Variants in HDAC9 observed in about 807,000 individuals in gnomAD.
HDAC9 encodes histone deacetylase 9, also known as MEF-2 interacting transcription repressor (MITR) protein.
In HDAC9, 41 loss-of-function variants were observed where a neutral mutation model predicts 139.4. The observed-to-expected ratio is 0.29, with a 90% CI of 0.23 to 0.38. The LOEUF is 0.38. Among genes scored for constraint, HDAC9 ranks in the 10% least tolerant of loss-of-function variants. The probability of loss-of-function intolerance (pLI) is 1.00; values close to 1 mark genes in which losing one functional copy is unlikely to be tolerated. For missense variants in HDAC9, 1,147 were observed against 1,297.0 expected, an observed-to-expected ratio of 0.88 and a Z score of 1.78; for synonymous variants, 517 against 476.2, an observed-to-expected ratio of 1.09 and a Z score of -1.12.
At chr7:18,131,106 C>A (rs1784971390) in intron 1 of HDAC9, among the ~76,000 whole-genome samples, 1 of 152,020 alleles carries the variant, frequency 6.6e-6, no homozygotes, top group African/African-American at 2.4e-5. Flanking sequence ...AGATTTTGTA[C>A]TATAATAGAC....
intron 8 of HDAC9, among the ~76,000 whole-genome samples, chr7:18,639,911 T>C (rs2519890): frequency 0.85 from 129,743 of 151,902 alleles, 55,473 homozygotes; most frequent in South Asian, 0.9. Context: ...GGTTACAAGC[T>C]ATGAGTGGGA....
At chr7:18,604,059 A>T (rs1331471492) in intron 6 of HDAC9, among the ~76,000 whole-genome samples, 2 of 151,658 alleles carry the variant, frequency 1.3e-5, no homozygotes, top group East Asian at 3.9e-4. Flanking sequence ...TTTATCTTTT[A>T]TCTTCTGCAA....
At chr7:18,987,679 T>G (rs1348161564) in intron 25 of HDAC9, among the ~76,000 whole-genome samples, 1 of 152,122 alleles carries the variant, frequency 6.6e-6, no homozygotes, top group Admixed American at 6.5e-5. Flanking sequence ...AGAATTCGGC[T>G]GTGAATCCAT....
At chr7:18,392,919 CAAAAAAAAAAAAA>C (rs773532939) in intron 1 of HDAC9, among the ~76,000 whole-genome samples, 12 of 44,556 alleles carry the variant, frequency 2.7e-4, no homozygotes, top group Non-Finnish European at 3.7e-4. Context: ...CCATGACTGG[CAAAAAAAAAAAAA>C]AAAAAAAAAA....
chr7:18,758,342 C>T (rs1268046399), intron 14 of HDAC9, among the ~76,000 whole-genome samples: 1 of 152,102 alleles, frequency 6.6e-6, no homozygotes, highest in Non-Finnish European at 1.5e-5. Flanking sequence ...GAAATCAGTA[C>T]TCCCTAAATT....
chr7:18,137,362 A>C (rs933744484), intron 1 of HDAC9, among the ~76,000 whole-genome samples: 2 of 150,424 alleles, frequency 1.3e-5, no homozygotes, highest in Admixed American at 6.6e-5. Flanking sequence ...GTGGTGAGAG[A>C]GGGCATCCCT....
Position 18,935,915 on chromosome 7 carries a change from C to T in HDAC9, c.2910C>T (p.Ala970=), listed in dbSNP as rs1453760173. The T allele has an allele frequency of 6.2e-7, 1 of 1,613,468 alleles. No individual in the cohort carries two copies. Among genetic ancestry groups the T allele is most frequent in the Admixed American group, 1.7e-5 (1 of 59,980 alleles). Residue 970 remains alanine, a synonymous_variant, in exon 23 of 26, where the codon GCC becomes GCT. Transcript: ENST00000686413. ...CAGCCATCTGTGATGCATCAGAAGCCTGTGTAAATGCCCTTCTAGGAAATG... is the reference window on the plus strand; with the variant it reads ...CAGCCATCTGTGATGCATCAGAAGCTTGTGTAAATGCCCTTCTAGGAAATG... ...DLTAICDASE[A]CVNALLGNEL...
intron 1 of HDAC9, among the ~76,000 whole-genome samples, chr7:18,323,308 C>G (rs1428936202): frequency 2.6e-5 from 4 of 152,184 alleles, no homozygotes; most frequent in Non-Finnish European, 5.9e-5. Flanking sequence ...GTCCAAAGCT[C>G]TATTCTCTCT....
chr7:18,212,704 T>C (rs1792030329), intron 2 of HDAC9, among the ~76,000 whole-genome samples: 1 of 152,200 alleles, frequency 6.6e-6, no homozygotes, highest in African/African-American at 2.4e-5. Flanking sequence ...CTTGAGATAC[T>C]AAAATGGCCA....
intron 6 of HDAC9, among the ~76,000 whole-genome samples, chr7:18,621,885 G>A (rs1420837625): frequency 6.6e-6 from 1 of 152,176 alleles, no homozygotes; most frequent in Non-Finnish European, 1.5e-5. Flanking sequence ...AGGATCTACT[G>A]TGTTCCCAAA....
intron 6 of HDAC9, among the ~76,000 whole-genome samples, chr7:18,611,649 C>A: frequency 6.6e-6 from 1 of 152,074 alleles, no homozygotes; most frequent in South Asian, 2.1e-4. Context: ...TCTTTGAACA[C>A]GAATAAGTGA....
chr7:18,348,665 C>A (rs527970087), intron 1 of HDAC9, among the ~76,000 whole-genome samples: 3 of 152,214 alleles, frequency 2.0e-5, no homozygotes, highest in Admixed American at 1.3e-4. Context: ...GTAAAGAATC[C>A]TTTAACAACT....
At chr7:18,458,705 C>T (rs768316472) in intron 1 of HDAC9, 6 of 540,826 alleles carry the variant, frequency 1.1e-5, no homozygotes, top group Admixed American at 6.3e-5. Context: ...GGCAAAACTT[C>T]GATTAATAAA....
In HDAC9 at chr7:18,816,768, C is replaced by T. The variant is rs183908379; in HGVS notation, c.2323-12393C>T. Among the ~76,000 whole-genome samples, 130 of 152,330 alleles carry T rather than the reference C, an allele frequency of 8.5e-4. 1 individual carries two copies. Among genetic ancestry groups the T allele is most frequent in the African/African-American group, 3.1e-3 (130 of 41,576 alleles). ...TCAACAATTTTTAACGTACCAGTGA[C>T]TTCAACAAAGACACTGTGTTTAATT... On this transcript the variant is annotated intron_variant, in intron 17 of 25. Coordinates refer to ENST00000686413, the MANE Select transcript of HDAC9 (RefSeq NM_178425.4).
At chr7:18,089,010 A>AT (rs1781974779) in intron 1 of HDAC9, among the ~76,000 whole-genome samples, 1 of 152,196 alleles carries the variant, frequency 6.6e-6, no homozygotes, top group Non-Finnish European at 1.5e-5. Context: ...TGTTTTAGCT[A>AT]TTAAACAGAT....
chr7:18,497,121 G>T (rs1189394166), intron 2 of HDAC9, among the ~76,000 whole-genome samples: 2 of 152,144 alleles, frequency 1.3e-5, no homozygotes, highest in African/African-American at 4.8e-5. Flanking sequence ...TCTCCAGGCA[G>T]TATCACTTAA....
At chr7:18,604,429 C>T (rs569214409) in intron 6 of HDAC9, among the ~76,000 whole-genome samples, 183 of 150,110 alleles carry the variant, frequency 1.2e-3, no homozygotes, top group Middle Eastern at 6.9e-3. Context: ...TTTCTTGAGA[C>T]GGAGTCTTGC....
chr7:18,602,689 GTTT>G (rs1209784850), intron 6 of HDAC9, among the ~76,000 whole-genome samples: 1 of 151,712 alleles, frequency 6.6e-6, no homozygotes, highest in South Asian at 2.1e-4. Flanking sequence ...TATCCTGAGA[GTTT>G]TTTTAAGTCA....
chr7:18,598,966 A>G (rs1456918989), intron 6 of HDAC9, among the ~76,000 whole-genome samples: 1 of 152,196 alleles, frequency 6.6e-6, no homozygotes, highest in Non-Finnish European at 1.5e-5. Flanking sequence ...TGCTTGGCCC[A>G]GGAATTTGAG....
Sources: gnomAD v4.1 joint callset for allele counts (sites outside exome capture counted in the v4.1 genomes callset) on GRCh38, gnomAD v4.1.1 for gene constraint, MANE v1.5 for transcripts, NCBI Gene and HGNC (gene_info 2026-07-23, HGNC 2026-07-21) for gene names.